Variants in HUWE1 observed in about 807,000 individuals in gnomAD.
HUWE1 encodes the protein E3 ubiquitin-protein ligase HUWE1.
A neutral mutation model predicts 299.4 loss-of-function variants in HUWE1; 18 were observed. The ratio of observed to expected loss-of-function variants is 0.06; its 90% CI spans 0.04 to 0.09. The LOEUF is 0.09. HUWE1 is among the 10% of genes least tolerant of loss of function. The pLI, the probability that HUWE1 is intolerant of heterozygous loss-of-function variation, is 1.00. For missense variants in HUWE1, 1,832 were observed against 3,462.3 expected (o/e 0.53, Z 11.82); for synonymous variants, 1,317 against 1,286.1 (o/e 1.02, Z -0.51).
At chrX:53,605,601 G>GT (rs1405627699) in intron 25 of HUWE1, among the ~76,000 whole-genome samples, 1 of 112,459 alleles carries the variant, frequency 8.9e-6, no homozygotes, top group African/African-American at 3.2e-5. Context: ...TAACAAAGGA[G>GT]TTTCACAGAT....
intron 7 of HUWE1, among the ~76,000 whole-genome samples, chrX:53,640,139 G>A (rs782207755): frequency 4.8e-4 from 54 of 112,476 alleles, no homozygotes; most frequent in African/African-American, 1.5e-3. Context: ...CGAGTGGATC[G>A]CCTGAGCTCA....
intron 72 of HUWE1, among the ~76,000 whole-genome samples, 188 bp from the exon 73 acceptor site, chrX:53,544,156 A>G (rs1556920850): frequency 8.9e-6 from 1 of 112,734 alleles, no homozygotes; most frequent in East Asian, 2.8e-4. Context: ...GGCAGGGGGC[A>G]TGATGCTAGA....
chrX:53,593,625 G>A, intron 31 of HUWE1, 24 bp from the exon 32 acceptor site: 1 of 1,117,401 alleles, frequency 8.9e-7, no homozygotes, highest in Non-Finnish European at 1.2e-6. Context: ...AGGAAAAGTA[G>A]ACAGAATATT....
At chrX:53,535,651 G>T in intron 80 of HUWE1, 150 bp from the exon 81 acceptor site, 1 of 505,652 alleles carries the variant, frequency 2.0e-6, no homozygotes, top group Non-Finnish European at 3.6e-6. Flanking sequence ...ACTACTCATA[G>T]CTCGCAACTC....
intron 23 of HUWE1, among the ~76,000 whole-genome samples, chrX:53,611,793 G>C (rs925635501): frequency 9.2e-6 from 1 of 109,117 alleles, no homozygotes; most frequent in African/African-American, 3.3e-5. Context: ...GGGAGGCGGA[G>C]GTTGCAGTGA....
At chrX:53,547,599 A>C (rs2061600431) in intron 68 of HUWE1, 74 bp downstream of exon 68, 7 of 1,177,863 alleles carry the variant, frequency 5.9e-6, no homozygotes, top group Non-Finnish European at 8.0e-6. Context: ...AGGGAGAACT[A>C]TCTGGATGGA....
At chrX:53,567,307 C>A (rs188543032) in intron 49 of HUWE1, among the ~76,000 whole-genome samples, 1 of 110,896 alleles carries the variant, frequency 9.0e-6, no homozygotes, top group South Asian at 3.8e-4. Context: ...ATAAATGTTT[C>A]AAAAAATTGA....
rs782477464 is a variant in HUWE1 at position 53,576,850 on chromosome X, A to T, written c.5884+50T>A. On this transcript the variant is annotated intron_variant, in intron 44 of 83. Transcript: ENST00000262854. ...GAGTTGGCTGAAATGACCCAGGCAA[A>T]GTAACATATCCTCTAGTGCCCAGCC... 23 of 1,189,444 alleles carry T rather than the reference A, an allele frequency of 1.9e-5. No individual in the cohort carries two copies. In the Admixed American group the frequency reaches 5.0e-4, roughly 26 times the overall value.
intron 36 of HUWE1, among the ~76,000 whole-genome samples, chrX:53,588,870 ATCTC>A (rs782518614): frequency 1.0e-3 from 113 of 112,196 alleles, no homozygotes; most frequent in Non-Finnish European, 1.7e-3. Context: ...CTTTCATTTT[ATCTC>A]TCTCTCTCAG....
chrX:53,665,753 A>T (rs2069219276), intron 3 of HUWE1, among the ~76,000 whole-genome samples: 1 of 112,711 alleles, frequency 8.9e-6, no homozygotes, highest in Admixed American at 9.4e-5. Flanking sequence ...GCAATGCCTA[A>T]GTGTAAGTTA....
At chrX:53,661,878 C>T (rs1170715620) in intron 3 of HUWE1, among the ~76,000 whole-genome samples, 1 of 111,765 alleles carries the variant, frequency 8.9e-6, no homozygotes, top group African/African-American at 3.3e-5. Flanking sequence ...TACAGTTTAC[C>T]TGCAGAACAA....
chrX:53,603,343 A>G (rs1569484749), intron 27 of HUWE1, 25 bp downstream of exon 27: 2 of 1,201,229 alleles, frequency 1.7e-6, no homozygotes, highest in Non-Finnish European at 2.3e-6. Context: ...TAACAAAGTA[A>G]TAAGAGAGAG....
chrX:53,676,573 A>G (rs112084657), intron 3 of HUWE1, among the ~76,000 whole-genome samples: 1,649 of 112,023 alleles, frequency 0.015, 35 homozygotes, highest in African/African-American at 0.052. Flanking sequence ...CCCATTAGCT[A>G]ATTCCAGGTC....
intron 21 of HUWE1, among the ~76,000 whole-genome samples, chrX:53,616,618 C>T (rs1453377274): frequency 1.8e-5 from 2 of 111,522 alleles, no homozygotes; most frequent in African/African-American, 6.5e-5. Flanking sequence ...ATCCATGTGT[C>T]GTTATCTTAG....
Position 53,547,821 on chromosome X carries a change from AGTGGTG to A in HUWE1, c.10482_10487del (p.Thr3495_Thr3496del). 8.4e-7 allele frequency: 1 copy of A among 1,197,592 alleles called. No homozygotes were observed. Among genetic ancestry groups the A allele is most frequent in the Non-Finnish European group, 1.1e-6 (1 of 887,346 alleles). ...GGGGTGTGGGCGTGGTGGAGGCGGC[AGTGGTG>A]GTGGTGGTAGATGTGGTTGAGGTGG... On this transcript the variant is annotated inframe_deletion, in exon 68 of 84. Coordinates refer to ENST00000262854, the MANE Select transcript of HUWE1 (RefSeq NM_031407.7).
chrX:53,575,403 G>A (rs2063051662), intron 45 of HUWE1, among the ~76,000 whole-genome samples, 182 bp from the exon 46 acceptor site: 1 of 111,136 alleles, frequency 9.0e-6, no homozygotes, highest in Non-Finnish European at 1.9e-5. Context: ...GTGACTGGGA[G>A]ACTGTGGGGG....
intron 47 of HUWE1, 140 bp from the exon 48 acceptor site, chrX:53,569,967 A>C (rs782489653): frequency 5.1e-5 from 29 of 570,947 alleles, no homozygotes; most frequent in African/African-American, 3.8e-4. Context: ...ATAGATGAAG[A>C]AGCCAAGGCT....
At chrX:53,556,293 C>T (rs1556934710) in intron 60 of HUWE1, 1 of 346,704 alleles carries the variant, frequency 2.9e-6, no homozygotes, top group East Asian at 8.8e-5. Flanking sequence ...AATATCCCTA[C>T]CCCACAACAA....
chrX:53,547,936 G>T lies in HUWE1; in HGVS notation c.10373C>A (p.Ser3458Tyr). Residue 3458 changes from serine (S) to tyrosine (Y), a missense_variant, in exon 68 of 84, where the codon TCT becomes TAT. Ser to Tyr is a moderately radical substitution (Grantham distance 144, BLOSUM62 -2). Transcript: ENST00000262854. ...LLTEKLLRLL[S>Y]LISIALPENK... ...TTCTGGGAGAGCAATTGAGATGAGAGAAAGGAGTCTGAGGAGTTTCTCAGT... is the reference window on the plus strand; with the variant it reads ...TTCTGGGAGAGCAATTGAGATGAGATAAAGGAGTCTGAGGAGTTTCTCAGT... 1 of 1,211,179 alleles carries T rather than the reference G, an allele frequency of 8.3e-7. No homozygotes were observed. The highest frequency in any genetic ancestry group is 1.1e-6 in the Non-Finnish European group (1 of 895,243).
Sources: gnomAD v4.1 joint callset for allele counts (sites outside exome capture counted in the v4.1 genomes callset) on GRCh38, gnomAD v4.1.1 for gene constraint, MANE v1.5 for transcripts, NCBI Gene and HGNC (gene_info 2026-07-23, HGNC 2026-07-21) for gene names.